RARB: variants seen among roughly 807,000 people sequenced by gnomAD.
RARB encodes retinoic acid receptor beta.
In RARB, 17 loss-of-function variants were observed where a neutral mutation model predicts 51.9. The observed-to-expected ratio is 0.33, with a 90% CI of 0.22 to 0.49. The LOEUF (loss-of-function observed/expected upper bound fraction) is 0.49, where lower values mean the gene tolerates loss of function less well. RARB is among the 20% of genes least tolerant of loss of function. RARB has a pLI of 0.99. For missense variants in RARB, 369 were observed against 550.8 expected, an observed-to-expected ratio of 0.67 and a Z score of 3.30; for synonymous variants, 215 against 195.4, an observed-to-expected ratio of 1.10 and a Z score of -0.84.
At chr3:24,912,274 A>G (rs746548370) in intron 2 of RARB, among the ~76,000 whole-genome samples, 17 of 152,270 alleles carry the variant, frequency 1.1e-4, no homozygotes, top group African/African-American at 3.6e-4. Context: ...TGTTTTATCT[A>G]TCTGATCTCG....
chr3:25,081,726 G>A lies in RARB; in HGVS notation c.-328+21550G>A, dbSNP rs192025334. On this transcript the variant is annotated intron_variant, in intron 3 of 11. Transcript: ENST00000383772. ...TGGCTCACTGCAACCTCCACCTTCC[G>A]AGTTCAAGTGATTCTCCTGCCTCAG... Among the ~76,000 whole-genome samples, 6 of 134,646 alleles carry A rather than the reference G, an allele frequency of 4.5e-5. No individual in the cohort carries two copies. The East Asian group carries it at 7.4e-4, about 17-fold the overall frequency. 88.3% of individuals were successfully genotyped at this position (134,646 alleles called of 152,430 possible).
At chr3:25,553,945 G>C (rs1699944190) in intron 3 of RARB, among the ~76,000 whole-genome samples, 1 of 151,964 alleles carries the variant, frequency 6.6e-6, no homozygotes, top group Non-Finnish European at 1.5e-5. Context: ...TTCTCTGGCT[G>C]ACTTCCCACT....
At chr3:25,115,840 AG>A (rs1699678044) in intron 3 of RARB, among the ~76,000 whole-genome samples, 1 of 151,992 alleles carries the variant, frequency 6.6e-6, no homozygotes, top group African/African-American at 2.4e-5. Flanking sequence ...TATGTTGCCG[AG>A]GCTGATCTCG....
At chr3:25,512,558 T>C (rs1697948252) in intron 3 of RARB, among the ~76,000 whole-genome samples, 1 of 152,248 alleles carries the variant, frequency 6.6e-6, no homozygotes, top group Non-Finnish European at 1.5e-5. Context: ...TAGCCATCAC[T>C]GACCACTCGG....
chr3:25,543,720 G>A (rs1699488927), intron 3 of RARB, among the ~76,000 whole-genome samples: 1 of 152,154 alleles, frequency 6.6e-6, no homozygotes, highest in Admixed American at 6.5e-5. Flanking sequence ...GCCAGTGGGG[G>A]CTAGCAGATG....
At chr3:25,395,327 G>A (rs2125490261) in intron 5 of RARB, among the ~76,000 whole-genome samples, 1 of 152,246 alleles carries the variant, frequency 6.6e-6, no homozygotes, top group South Asian at 2.1e-4. Flanking sequence ...CACAGCTCTT[G>A]AGATTCTTTC....
chr3:25,107,152 C>T (rs1249967656), intron 3 of RARB, among the ~76,000 whole-genome samples: 7 of 152,202 alleles, frequency 4.6e-5, no homozygotes, highest in African/African-American at 7.2e-5. Flanking sequence ...CTACCTGCCT[C>T]GGCCTCCCAA....
intron 2 of RARB, among the ~76,000 whole-genome samples, chr3:24,962,152 A>G (rs1159537042): frequency 1.3e-5 from 2 of 151,514 alleles, no homozygotes; most frequent in Admixed American, 1.3e-4. Flanking sequence ...GATAGTCTCG[A>G]TCTCCTGACC....
chr3:24,876,553 T>C (rs1703046439), intron 2 of RARB, among the ~76,000 whole-genome samples: 3 of 152,130 alleles, frequency 2.0e-5, no homozygotes, highest in African/African-American at 7.2e-5. Context: ...GTGAACATAT[T>C]AGCATTTAAT....
intron 2 of RARB, among the ~76,000 whole-genome samples, chr3:24,888,400 T>C (rs1203867297): frequency 6.6e-6 from 1 of 152,122 alleles, no homozygotes; most frequent in Non-Finnish European, 1.5e-5. Context: ...CAGTTACAGC[T>C]TTTATTCTTT....
At chr3:24,937,330 G>A (rs1407399319) in intron 2 of RARB, among the ~76,000 whole-genome samples, 1 of 152,134 alleles carries the variant, frequency 6.6e-6, no homozygotes, top group Non-Finnish European at 1.5e-5. Context: ...GTATGCTGGA[G>A]AGGGGCCATC....
chr3:25,309,486 CTTTTTTTTTTTTTTTTTTT>C (rs149976069), intron 5 of RARB, among the ~76,000 whole-genome samples: 1 of 58,048 alleles, frequency 1.7e-5, no homozygotes, highest in East Asian at 5.3e-4. Context: ...CTCATAGTTG[CTTTTTTTTTTTTTTTTTTT>C]TTTTTTTTTT....
intron 5 of RARB, among the ~76,000 whole-genome samples, chr3:25,380,918 T>G (rs1575357396): frequency 6.6e-6 from 1 of 152,288 alleles, no homozygotes; most frequent in Non-Finnish European, 1.5e-5. Context: ...GTTTTTATAT[T>G]TTTCTCTCCC....
intron 2 of RARB, among the ~76,000 whole-genome samples, chr3:25,475,358 C>T (rs1193399240): frequency 6.6e-6 from 1 of 151,918 alleles, no homozygotes; most frequent in East Asian, 1.9e-4. Context: ...TAAATGTTTA[C>T]CTGTATTATA....
intron 5 of RARB, among the ~76,000 whole-genome samples, chr3:25,366,740 C>A (rs1162192199): frequency 6.6e-6 from 1 of 152,188 alleles, no homozygotes; most frequent in Non-Finnish European, 1.5e-5. Context: ...TCTCTGTGAG[C>A]ACACATGAAC....
At chr3:25,332,550 C>G (rs141922675) in intron 5 of RARB, among the ~76,000 whole-genome samples, 2,402 of 152,214 alleles carry the variant, frequency 0.016, 36 homozygotes, top group East Asian at 0.052. Context: ...CCATTTATGA[C>G]GAACCCACAG....
intron 5 of RARB, among the ~76,000 whole-genome samples, chr3:25,235,763 A>G (rs1702287871): frequency 6.6e-6 from 1 of 152,210 alleles, no homozygotes; most frequent in South Asian, 2.1e-4. Context: ...AGGCTTTGCT[A>G]TAAAACCCCT....
At chr3:25,494,525 G>A (rs557458748) in intron 2 of RARB, among the ~76,000 whole-genome samples, 1 of 152,236 alleles carries the variant, frequency 6.6e-6, no homozygotes, top group South Asian at 2.1e-4. Context: ...CACTACAGTG[G>A]ATACTTTTTC....
Position 25,085,870 on chromosome 3 carries a change from G to A in RARB, c.-328+25694G>A, listed in dbSNP as rs113614522. Among the ~76,000 whole-genome samples, 149 of 152,318 alleles carry A rather than the reference G, an allele frequency of 9.8e-4. 1 individual carries two copies. The highest frequency in any genetic ancestry group is 3.4e-3 in the African/African-American group (141 of 41,584). ...TATTGCAAGAATGAGGGTAGGCTAAGCTGCTGTAACAAATAGACCAAAATA... is the reference window on the plus strand; with the variant it reads ...TATTGCAAGAATGAGGGTAGGCTAAACTGCTGTAACAAATAGACCAAAATA... On this transcript the variant is annotated intron_variant, in intron 3 of 11. Transcript: ENST00000383772.
Sources: allele counts gnomAD v4.1 joint callset (sites outside exome capture counted in the v4.1 genomes callset), GRCh38; gene constraint gnomAD v4.1.1; transcripts MANE v1.5; gene names NCBI Gene and HGNC (gene_info 2026-07-23, HGNC 2026-07-21).